The following PCDHGB5 variants were observed in gnomAD, a reference collection of about 807,000 sequenced individuals.
PCDHGB5 encodes the protein protocadherin gamma-B5.
In PCDHGB5, 48 loss-of-function variants were observed where a neutral mutation model predicts 62.9. The ratio of observed to expected loss-of-function variants is 0.76; its 90% CI spans 0.61 to 0.97. The LOEUF is 0.97. Ranked by LOEUF, PCDHGB5 falls within the 50% of genes least tolerant of loss-of-function variation. The probability of loss-of-function intolerance (pLI) is 0.00; values close to 1 mark genes in which losing one functional copy is unlikely to be tolerated. For synonymous variants in PCDHGB5, 474 were observed against 511.2 expected (o/e 0.93, Z 0.98); for missense variants, 1,118 against 1,198.6 (o/e 0.93, Z 0.99).
chr5:141,497,509 C>T (rs1282025317), intron 2 of PCDHGB5, among the ~76,000 whole-genome samples: 1 of 151,184 alleles, frequency 6.6e-6, no homozygotes, highest in Non-Finnish European at 1.5e-5. Flanking sequence ...CTCTCTGCTT[C>T]CTTAGTTAAC....
At position 141,418,260 on chromosome 5, in the gene PCDHGB5, G is replaced by C. The variant is rs144490159; in HGVS notation, c.2397+17736G>C. On this transcript the variant is annotated intron_variant, in intron 1 of 3. Transcript: ENST00000617380. Reference sequence around the variant, plus strand: ...GTTAATGACCACGCCCCTCAATTCCGGAAAGATGAAATAAACTTAGAAATC... The same window carrying C: ...GTTAATGACCACGCCCCTCAATTCCCGAAAGATGAAATAAACTTAGAAATC... 2.5e-6 allele frequency: 4 copies of C among 1,613,888 alleles called. No individual in the cohort carries two copies. Among genetic ancestry groups the C allele is most frequent in the South Asian group, 1.1e-5 (1 of 91,088 alleles).
intron 1 of PCDHGB5, chr5:141,430,974 C>G: frequency 6.2e-7 from 1 of 1,613,072 alleles, no homozygotes; most frequent in East Asian, 2.2e-5. Flanking sequence ...AGAGGTAGGA[C>G]GCAGCTTTTC....
rs2093697710 is a variant in PCDHGB5, at chr5:141,398,742, G to GAGT, written c.616_618dup (p.Ser206dup). 1 of 1,613,726 alleles carries GAGT rather than the reference G, an allele frequency of 6.2e-7. No homozygotes were observed. Among genetic ancestry groups the GAGT allele is most frequent in the Non-Finnish European group, 8.5e-7 (1 of 1,179,908 alleles). On this transcript the variant is annotated inframe_insertion, in exon 1 of 4. Coordinates refer to ENST00000617380, the MANE Select transcript of PCDHGB5 (RefSeq NM_018925.3). ...AGAAAACCTTAGACCGGGAACAACA[G>GAGT]AGTTACCATCGTTTAGTCCTGACTG...
chr5:141,413,533 C>G, intron 1 of PCDHGB5: 1 of 1,613,934 alleles, frequency 6.2e-7, no homozygotes, highest in Non-Finnish European at 8.5e-7. Flanking sequence ...CAGGGTGAAA[C>G]TTTTTGGGAT....
In PCDHGB5 at chr5:141,402,929, A is replaced by G. The variant is rs751760276; in HGVS notation, c.2397+2405A>G. 12 of 1,583,076 alleles carry G rather than the reference A, an allele frequency of 7.6e-6. No individual in the cohort carries two copies. In the South Asian group the frequency reaches 1.3e-4, roughly 17 times the overall value. On this transcript the variant is annotated intron_variant, in intron 1 of 3. Coordinates refer to ENST00000617380, the MANE Select transcript of PCDHGB5 (RefSeq NM_018925.3). ...AGCAGCGCGCACAGAGATCCTTTTG[A>G]GAAAATTCCAAAGCGAGGCAGCAAT...
intron 1 of PCDHGB5, chr5:141,409,350 G>T: frequency 6.2e-7 from 1 of 1,613,922 alleles, no homozygotes; most frequent in Non-Finnish European, 8.5e-7. Context: ...GGAGAAGTCA[G>T]GTGTAATATA....
At chr5:141,465,657 G>T (rs904553709) in intron 1 of PCDHGB5, among the ~76,000 whole-genome samples, 2 of 152,130 alleles carry the variant, frequency 1.3e-5, no homozygotes, top group Non-Finnish European at 2.9e-5. Context: ...CCAAAAAAGC[G>T]CTTGCCATGA....
rs780310968 is a variant in PCDHGB5 at position 141,414,168 on chromosome 5, T to G, written c.2397+13644T>G. The G allele has an allele frequency of 5.6e-6, 9 of 1,605,598 alleles. No individual in the cohort carries two copies. The African/African-American group carries it at 1.2e-4, about 21-fold the overall frequency. ...TACAAGCAGAAGATGGAGGAGCATA[T>G]CTTGCAACTGCAAAAGTGTTGATTA... On this transcript the variant is annotated intron_variant, in intron 1 of 3. Coordinates refer to ENST00000617380, the MANE Select transcript of PCDHGB5 (RefSeq NM_018925.3).
intron 1 of PCDHGB5, among the ~76,000 whole-genome samples, chr5:141,455,407 A>T (rs1273781307): frequency 1.3e-5 from 2 of 152,174 alleles, no homozygotes; most frequent in Non-Finnish European, 2.9e-5. Context: ...TTACAGAGAC[A>T]GAGGGAGCGG....
At chr5:141,406,531 C>T (rs1303471087) in intron 1 of PCDHGB5, among the ~76,000 whole-genome samples, 1 of 152,102 alleles carries the variant, frequency 6.6e-6, no homozygotes, top group African/African-American at 2.4e-5. Flanking sequence ...TATTTTCTGA[C>T]GAAGATTCAA....
At position 141,512,346 on chromosome 5, in the gene PCDHGB5, G is replaced by A. The variant is rs1391003897; in HGVS notation, c.*1173G>A. ...CAGGCCATTCTTAGTCCCTGGGTTG[G>A]GGAGGCAGGGAGCTAGGGCAGGGAC... On this transcript the variant is annotated 3_prime_UTR_variant, in exon 4 of 4. Transcript: ENST00000617380. 6.5e-6 allele frequency: 1 copy of A among 152,876 alleles called. No individual in the cohort carries two copies. Among genetic ancestry groups the A allele is most frequent in the Non-Finnish European group, 1.5e-5 (1 of 68,232 alleles). 9.5% of individuals were successfully genotyped at this position (152,876 alleles called of 1,614,324 possible). A position where few individuals can be genotyped will look rare whatever the true frequency, so the allele number is the denominator to read the frequency against.
Position 141,427,133 on chromosome 5 carries a change from A to AGAT in PCDHGB5, c.2397+26613_2397+26615dup, listed in dbSNP as rs370316028. 2.9e-4 allele frequency: 134 copies of AGAT among 457,190 alleles called. 1 individual carries two copies. The highest frequency in any genetic ancestry group is 2.4e-3 in the African/African-American group (123 of 50,216). The allele number at this position is 457,190 out of a possible 1,614,324, so 28.3% of individuals were successfully genotyped here. On this transcript the variant is annotated intron_variant, in intron 1 of 3. Transcript: ENST00000617380. ...TCACCTACTCTTTCAAATCCCTACG[A>AGAT]GATGATATTGGAAATATGTTTGTGC...
Position 141,451,147 on chromosome 5 carries a change from A to G in PCDHGB5, c.2398-43660A>G, listed in dbSNP as rs2098708727. ...CCAGCCTTATGATTGTATTTAGACT[A>G]GACATTTTTTTGGTAGTATATTATT... On this transcript the variant is annotated intron_variant, in intron 1 of 3. Coordinates refer to ENST00000617380, the MANE Select transcript of PCDHGB5 (RefSeq NM_018925.3). Among the ~76,000 whole-genome samples, 3 of 152,250 alleles carry G rather than the reference A, an allele frequency of 2.0e-5. No homozygotes were observed. In the South Asian group the frequency reaches 6.2e-4, roughly 32 times the overall value.
In PCDHGB5 at chr5:141,477,446, C is replaced by A; in HGVS notation, c.2398-17361C>A. 1 of 1,614,196 alleles carries A rather than the reference C, an allele frequency of 6.2e-7. No homozygotes were observed. The highest frequency in any genetic ancestry group is 8.5e-7 in the Non-Finnish European group (1 of 1,180,022). The stretch of plus-strand genomic sequence containing the variant: ...TTCCCTCTCAGCCCTTACAATAGTG[C>A]GTGTTCAAGTGTCCGACATCAATGA... On this transcript the variant is annotated intron_variant, in intron 1 of 3. Transcript: ENST00000617380. The surrounding 1 kb of genome is among the most constrained non-coding windows in gnomAD (Gnocchi z 4.9).
intron 1 of PCDHGB5, among the ~76,000 whole-genome samples, chr5:141,443,696 T>C (rs1293017505): frequency 6.6e-6 from 1 of 152,308 alleles, no homozygotes; most frequent in Admixed American, 6.5e-5. Context: ...TCAAAAATTA[T>C]AGAATAACAT....
chr5:141,443,618 G>A (rs901899343), intron 1 of PCDHGB5, among the ~76,000 whole-genome samples: 2 of 152,178 alleles, frequency 1.3e-5, no homozygotes, highest in Non-Finnish European at 2.9e-5. Context: ...TTATAATCAG[G>A]TGATTGTAAA....
At chr5:141,405,442 C>A in intron 1 of PCDHGB5, 1 of 1,378,146 alleles carries the variant, frequency 7.3e-7, no homozygotes, top group Non-Finnish European at 1.0e-6. Context: ...GTTTTTGAGA[C>A]AGAGTCTTAC....
At position 141,409,955 on chromosome 5, in the gene PCDHGB5, G is replaced by A. The variant is rs946959934; in HGVS notation, c.2397+9431G>A. On this transcript the variant is annotated intron_variant, in intron 1 of 3. Coordinates refer to ENST00000617380, the MANE Select transcript of PCDHGB5 (RefSeq NM_018925.3). ...TATGGTACCTCGCTCTGCAGAGCCC[G>A]GCTACCTAGTGACTAAGGTGGTAGC... is the stretch of plus-strand genomic sequence containing the variant. The A allele has an allele frequency of 2.8e-5, 45 of 1,613,234 alleles. No individual in the cohort carries two copies. The highest frequency in any genetic ancestry group is 3.6e-5 in the Non-Finnish European group (42 of 1,179,814).
At chr5:141,434,695 AAT>A (rs1228504579) in intron 1 of PCDHGB5, among the ~76,000 whole-genome samples, 7 of 152,212 alleles carry the variant, frequency 4.6e-5, no homozygotes, top group Non-Finnish European at 8.8e-5. Flanking sequence ...GCTGTTAATA[AAT>A]ATGTGGGTAA....
Sources: allele counts gnomAD v4.1 joint callset (sites outside exome capture counted in the v4.1 genomes callset), GRCh38; gene constraint gnomAD v4.1.1; non-coding constraint Gnocchi (gnomAD v3.1); transcripts MANE v1.5; gene names NCBI Gene and HGNC (gene_info 2026-07-23, HGNC 2026-07-21).